Variants in TGFBRAP1 observed in about 807,000 individuals in gnomAD.
TGFBRAP1 encodes the protein transforming growth factor beta receptor associated protein 1, also known as transforming growth factor-beta receptor-associated protein 1.
In TGFBRAP1, 20 loss-of-function variants were observed where a neutral mutation model predicts 83.2. The ratio of observed to expected loss-of-function variants is 0.24; its 90% CI spans 0.17 to 0.35. TGFBRAP1 has a LOEUF of 0.35. Among genes scored for constraint, TGFBRAP1 ranks in the 10% least tolerant of loss-of-function variants. The pLI, the probability that TGFBRAP1 is intolerant of heterozygous loss-of-function variation, is 1.00. For synonymous variants in TGFBRAP1, 415 were observed against 459.8 expected (o/e 0.90, Z 1.25); for missense variants, 950 against 1,099.4 (o/e 0.86, Z 1.92).
chr2:105,286,925 C>G (rs534064393), intron 4 of TGFBRAP1, among the ~76,000 whole-genome samples: 20 of 152,312 alleles, frequency 1.3e-4, no homozygotes, highest in African/African-American at 4.8e-4. Flanking sequence ...TTCTTCTAAG[C>G]ACTTAATTCA....
intron 4 of TGFBRAP1, among the ~76,000 whole-genome samples, 176 bp from the exon 5 acceptor site, chr2:105,284,574 T>C (rs1325193140): frequency 6.6e-6 from 1 of 152,200 alleles, no homozygotes. Flanking sequence ...GGTTTTATTT[T>C]TGTAATTCCC....
At chr2:105,302,288 G>T (rs552074029) in intron 2 of TGFBRAP1, among the ~76,000 whole-genome samples, 1 of 152,106 alleles carries the variant, frequency 6.6e-6, no homozygotes, top group Non-Finnish European at 1.5e-5. Context: ...GGAGACTATC[G>T]CAATACCTCA....
chr2:105,295,669 G>C (rs1678060601), intron 4 of TGFBRAP1, among the ~76,000 whole-genome samples: 2 of 151,914 alleles, frequency 1.3e-5, no homozygotes, highest in African/African-American at 4.8e-5. Context: ...AAATTTGCTG[G>C]GTGTGGTGGC....
chr2:105,266,785 G>T lies in TGFBRAP1; in HGVS notation c.*598C>A, dbSNP rs571571263. On this transcript the variant is annotated 3_prime_UTR_variant, in exon 12 of 12. Coordinates refer to ENST00000393359, the MANE Select transcript of TGFBRAP1 (RefSeq NM_004257.6). ...GGAGAGGAAGAAAGAAGGAACAAAG[G>T]TACTTCTCCAGGGTCAGCCGTTTCT... The T allele has an allele frequency of 6.6e-6, 1 of 152,518 alleles. No individual in the cohort carries two copies. The highest frequency in any genetic ancestry group is 2.4e-5 in the African/African-American group (1 of 41,574). 9.4% of individuals were successfully genotyped at this position (152,518 alleles called of 1,614,324 possible).
At position 105,267,154 on chromosome 2, in the gene TGFBRAP1, G is replaced by A. The variant is rs1044485575; in HGVS notation, c.*229C>T. ...AACTCTTGTATGTTTCTGTTTTGGG[G>A]ATTTTTAGGGGTTTTCCATGTACAT... On this transcript the variant is annotated 3_prime_UTR_variant, in exon 12 of 12. Transcript: ENST00000393359. 3.0e-5 allele frequency: 16 copies of A among 538,302 alleles called. No individual in the cohort carries two copies. The highest frequency in any genetic ancestry group is 6.4e-5 in the Admixed American group (2 of 31,342). The allele number at this position is 538,302 out of a possible 1,614,324, so 33.3% of individuals were successfully genotyped here. A position where few individuals can be genotyped will look rare whatever the true frequency, so the allele number is the denominator to read the frequency against.
chr2:105,284,865 A>G (rs1677661109), intron 4 of TGFBRAP1, among the ~76,000 whole-genome samples: 1 of 152,198 alleles, frequency 6.6e-6, no homozygotes, highest in Non-Finnish European at 1.5e-5. Flanking sequence ...TGCATGTTCC[A>G]TCTCCTGCTG....
At chr2:105,294,696 C>T (rs952467466) in intron 4 of TGFBRAP1, among the ~76,000 whole-genome samples, 3 of 152,096 alleles carry the variant, frequency 2.0e-5, no homozygotes, top group African/African-American at 7.2e-5. Flanking sequence ...CAAAAAAACC[C>T]TGAGATACCA....
At chr2:105,316,813 C>CA (rs5833133) in intron 1 of TGFBRAP1, among the ~76,000 whole-genome samples, 13,328 of 87,658 alleles carry the variant, frequency 0.15, 670 homozygotes, top group Middle Eastern at 0.21. Context: ...GACTCTGTCT[C>CA]AAAAAAAAAA....
Position 105,282,722 on chromosome 2 carries a change from G to C in TGFBRAP1, c.1121+1594C>G, listed in dbSNP as rs548777504. The stretch of plus-strand genomic sequence containing the variant: ...TACACCTGAAGTCCTAGCTACTCAG[G>C]GGTCTGAGGCAGGAAGATCATTGAG... On this transcript the variant is annotated intron_variant, in intron 5 of 11. Coordinates refer to ENST00000393359, the MANE Select transcript of TGFBRAP1 (RefSeq NM_004257.6). Among the ~76,000 whole-genome samples, 9 of 152,096 alleles carry C rather than the reference G, an allele frequency of 5.9e-5. No homozygotes were observed. The South Asian group carries it at 1.0e-3, about 18-fold the overall frequency.
intron 4 of TGFBRAP1, among the ~76,000 whole-genome samples, chr2:105,288,995 G>A (rs1434856512): frequency 6.6e-6 from 1 of 152,126 alleles, no homozygotes; most frequent in Non-Finnish European, 1.5e-5. Context: ...TTCCAAAATA[G>A]AATCTTCTTC....
rs950226078 is a variant in TGFBRAP1 at position 105,304,955 on chromosome 2, T to C, written c.688+2659A>G. Among the ~76,000 whole-genome samples, 5 of 152,212 alleles carry C rather than the reference T, an allele frequency of 3.3e-5. No individual in the cohort carries two copies. In the South Asian group the frequency reaches 6.2e-4, roughly 19 times the overall value. On this transcript the variant is annotated intron_variant, in intron 2 of 11. Coordinates refer to ENST00000393359, the MANE Select transcript of TGFBRAP1 (RefSeq NM_004257.6). ...TTAGGGGAAGGGAGGGATGAACAGGTGGAGCACAAAGGACTTTTAAGGTGG... is the reference window on the plus strand; with the variant it reads ...TTAGGGGAAGGGAGGGATGAACAGGCGGAGCACAAAGGACTTTTAAGGTGG...
At position 105,308,203 on chromosome 2, in the gene TGFBRAP1, G is replaced by C. The variant is rs1242727103; in HGVS notation, c.99C>G (p.Cys33Trp). The part of the protein sequence containing the change: ...ERVNIECVEC[C>W]GRDLYVGTND... The stretch of plus-strand genomic sequence containing the variant: ...TGGTGCCCACGTAGAGGTCCCTGCC[G>C]CAGCACTCCACGCACTCTATGTTGA... Residue 33 changes from cysteine (C) to tryptophan (W), a missense_variant, in exon 2 of 12, where the codon TGC becomes TGG. Cys to Trp is a radical substitution (Grantham distance 215). Coordinates refer to ENST00000393359, the MANE Select transcript of TGFBRAP1 (RefSeq NM_004257.6). 2 of 1,614,190 alleles carry C rather than the reference G, an allele frequency of 1.2e-6. No individual in the cohort carries two copies. The highest frequency in any genetic ancestry group is 1.7e-6 in the Non-Finnish European group (2 of 1,180,042).
chr2:105,329,647 GCGCCGCCCCGCGGCCTGGGGCCC>G lies in TGFBRAP1; in HGVS notation c.-63_-41del, dbSNP rs1419836103. 3 of 146,088 alleles carry G rather than the reference GCGCCGCCCCGCGGCCTGGGGCCC, an allele frequency of 2.1e-5. No individual in the cohort carries two copies. Among genetic ancestry groups the G allele is most frequent in the Admixed American group, 6.8e-5 (1 of 14,660 alleles). 9.0% of individuals were successfully genotyped at this position (146,088 alleles called of 1,614,324 possible). A position where few individuals can be genotyped will look rare whatever the true frequency, so the allele number is the denominator to read the frequency against. The stretch of plus-strand genomic sequence containing the variant: ...CACCGGCGCCGGCGCCCGCCGTCCC[GCGCCGCCCCGCGGCCTGGGGCCC>G]CGCCGCCCCGCTCCGGCCCGCGGCT... On this transcript the variant is annotated 5_prime_UTR_variant, in exon 1 of 12. Transcript: ENST00000393359.
chr2:105,268,965 G>A (rs142756270), intron 11 of TGFBRAP1, among the ~76,000 whole-genome samples: 10 of 152,354 alleles, frequency 6.6e-5, no homozygotes, highest in African/African-American at 2.2e-4. Flanking sequence ...GCCTAGGTCA[G>A]TGCCTGGCAC....
intron 6 of TGFBRAP1, among the ~76,000 whole-genome samples, chr2:105,278,050 C>A (rs184797380): frequency 6.7e-6 from 1 of 150,242 alleles, no homozygotes; most frequent in African/African-American, 2.5e-5. Flanking sequence ...CGGAGTGAGA[C>A]CCTGTCTCAA....
chr2:105,269,739 G>C lies in TGFBRAP1; in HGVS notation c.1973-34C>G, dbSNP rs114212410. 1.4e-6 allele frequency: 2 copies of C among 1,465,614 alleles called. No homozygotes were observed. Among genetic ancestry groups the C allele is most frequent in the Non-Finnish European group, 9.0e-7 (1 of 1,112,096 alleles). The allele number at this position is 1,465,614 out of a possible 1,614,324, so 90.8% of individuals were successfully genotyped here. ...CAGAACCTGCAGCTCAGAAAGAAAG[G>C]GGCTCGCCGGCCACCCGCCCAGCGA... On this transcript the variant is annotated intron_variant, in intron 10 of 11. Transcript: ENST00000393359. The surrounding 1 kb of genome is among the most constrained non-coding windows in gnomAD (Gnocchi z 4.1).
intron 1 of TGFBRAP1, among the ~76,000 whole-genome samples, chr2:105,314,551 C>A (rs918273573): frequency 6.6e-6 from 1 of 151,920 alleles, no homozygotes; most frequent in African/African-American, 2.4e-5. Flanking sequence ...CGCCCAGCCA[C>A]CTGTAGTACT....
intron 4 of TGFBRAP1, among the ~76,000 whole-genome samples, chr2:105,295,014 C>T (rs915071252): frequency 6.6e-6 from 1 of 152,162 alleles, no homozygotes; most frequent in Non-Finnish European, 1.5e-5. Flanking sequence ...CGATCTGCCT[C>T]TGGTCTGCAC....
chr2:105,270,129 A>T (rs1028943559), intron 10 of TGFBRAP1, among the ~76,000 whole-genome samples: 3 of 151,998 alleles, frequency 2.0e-5, no homozygotes, highest in Admixed American at 6.6e-5. Flanking sequence ...CCTAACAAAC[A>T]CTACTTCCCC....
Sources: allele counts gnomAD v4.1 joint callset (sites outside exome capture counted in the v4.1 genomes callset), GRCh38; gene constraint gnomAD v4.1.1; non-coding constraint Gnocchi (gnomAD v3.1); transcripts MANE v1.5; gene names NCBI Gene and HGNC (gene_info 2026-07-23, HGNC 2026-07-21).